Variants in TCEA1 observed in about 807,000 individuals in gnomAD.
TCEA1 encodes transcription elongation factor A1, also known as transcription elongation factor A protein 1.
A neutral mutation model predicts 43.8 loss-of-function variants in TCEA1; 21 were observed. That is an observed-to-expected ratio of 0.48 (90% CI 0.34 to 0.69). TCEA1 has a LOEUF of 0.69. TCEA1 is among the 30% of genes least tolerant of loss of function. The pLI is 0.01. For synonymous variants in TCEA1, 104 were observed against 117.5 expected (o/e 0.88, Z 0.75); for missense variants, 250 against 365.1 (o/e 0.68, Z 2.57).
intron 7 of TCEA1, among the ~76,000 whole-genome samples, chr8:53,981,906 C>T (rs1267172932): frequency 1.3e-5 from 2 of 151,092 alleles, no homozygotes; most frequent in Non-Finnish European, 1.5e-5. Context: ...GAACGCACCA[C>T]ACCATGCCCA....
chr8:54,011,917 T>C (rs1437646206), intron 1 of TCEA1, among the ~76,000 whole-genome samples: 1 of 152,206 alleles, frequency 6.6e-6, no homozygotes, highest in East Asian at 1.9e-4. Context: ...GACACGTTAT[T>C]ATAAGTAATG....
At chr8:54,015,004 T>C (rs1804777130) in intron 1 of TCEA1, among the ~76,000 whole-genome samples, 1 of 152,112 alleles carries the variant, frequency 6.6e-6, no homozygotes, top group African/African-American at 2.4e-5. Context: ...TACAAAAATA[T>C]ACAAATAATT....
intron 1 of TCEA1, among the ~76,000 whole-genome samples, chr8:54,019,267 T>A (rs1804943516): frequency 6.6e-6 from 1 of 152,190 alleles, no homozygotes; most frequent in South Asian, 2.1e-4. Flanking sequence ...CAACTATTAC[T>A]CTTCAAAGTT....
At chr8:53,991,938 T>G (rs893615935) in intron 4 of TCEA1, among the ~76,000 whole-genome samples, 4 of 152,020 alleles carry the variant, frequency 2.6e-5, no homozygotes, top group Non-Finnish European at 4.4e-5. Context: ...ACATTAACAT[T>G]AACATGAAGA....
rs1345667700 is a variant in TCEA1 at position 53,967,936 on chromosome 8, T to C, written c.*168A>G. On this transcript the variant is annotated 3_prime_UTR_variant, in exon 10 of 10. Coordinates refer to ENST00000521604, the MANE Select transcript of TCEA1 (RefSeq NM_006756.4). ...TTATTATATGGTCTCCCTACTGATC[T>C]GAAACTACAGAAGGCATTTAAGGAA... 2.0e-5 allele frequency: 10 copies of C among 500,728 alleles called. No homozygotes were observed. Among genetic ancestry groups the C allele is most frequent in the Non-Finnish European group, 3.3e-5 (9 of 272,116 alleles). The allele number at this position is 500,728 out of a possible 1,614,324, so 31.0% of individuals were successfully genotyped here.
chr8:54,011,621 GA>G (rs1320564738), intron 1 of TCEA1, among the ~76,000 whole-genome samples: 1 of 152,110 alleles, frequency 6.6e-6, no homozygotes, highest in African/African-American at 2.4e-5. Context: ...ACAAATCAAT[GA>G]AATACACGCT....
intron 1 of TCEA1, among the ~76,000 whole-genome samples, chr8:54,015,838 T>C (rs1013599676): frequency 6.6e-6 from 1 of 152,176 alleles, no homozygotes; most frequent in African/African-American, 2.4e-5. Flanking sequence ...AGCCAGACCC[T>C]GACTCTTTTC....
At chr8:53,995,814 T>C (rs1443363675) in intron 3 of TCEA1, among the ~76,000 whole-genome samples, 3 of 152,234 alleles carry the variant, frequency 2.0e-5, no homozygotes, top group Admixed American at 6.5e-5. Context: ...GATAAGAGAA[T>C]GGTTGAAATC....
In TCEA1 at chr8:53,989,257, A is replaced by G. The variant is rs542213939; in HGVS notation, c.321-998T>C. Among the ~76,000 whole-genome samples the G allele has an allele frequency of 1.5e-4, 23 of 152,288 alleles. No individual in the cohort carries two copies. The East Asian group carries it at 4.4e-3, about 29-fold the overall frequency. On this transcript the variant is annotated intron_variant, in intron 4 of 9. Transcript: ENST00000521604. The stretch of plus-strand genomic sequence containing the variant: ...ATTTTCCAGTCAACCTAATCCTTTC[A>G]ATTGCTTCTGAGTAGCTTCTTACGT...
chr8:53,998,522 A>G (rs1266333126), intron 3 of TCEA1, among the ~76,000 whole-genome samples: 1 of 152,206 alleles, frequency 6.6e-6, no homozygotes, highest in Admixed American at 6.5e-5. Flanking sequence ...ACACACACAC[A>G]TAAAATTTTA....
rs1443783150 is a variant in TCEA1, at chr8:53,970,386, C to T, written c.897+6G>A. 1.3e-6 allele frequency: 2 copies of T among 1,588,118 alleles called. No individual in the cohort carries two copies. The highest frequency in any genetic ancestry group is 1.7e-6 in the Non-Finnish European group (2 of 1,157,856). On this transcript the variant is annotated splice_donor_region_variant and intron_variant, in intron 9 of 9. Transcript: ENST00000521604. Reference sequence around the variant, plus strand: ...GTATATAATATGAATCCAAGAGAGTCCATACCTTCCATCGATTTCCACATT... The same window carrying T: ...GTATATAATATGAATCCAAGAGAGTTCATACCTTCCATCGATTTCCACATT...
intron 2 of TCEA1, among the ~76,000 whole-genome samples, chr8:54,001,279 T>C (rs1216916381): frequency 1.3e-5 from 2 of 152,164 alleles, no homozygotes; most frequent in African/African-American, 4.8e-5. Context: ...GAATTCTTAG[T>C]GGTGAAAAAA....
intron 4 of TCEA1, among the ~76,000 whole-genome samples, chr8:53,992,050 G>A (rs966312522): frequency 6.6e-6 from 1 of 152,082 alleles, no homozygotes; most frequent in African/African-American, 2.4e-5. Context: ...AGTGGCTTAC[G>A]CCTATAATCC....
At position 53,972,894 on chromosome 8, in the gene TCEA1, G is replaced by A. The variant is rs1243393210; in HGVS notation, c.826-2431C>T. On this transcript the variant is annotated intron_variant, in intron 8 of 9. Transcript: ENST00000521604. ...ACCAGATGATACTACTTTTGATGATGAGCCGAAGGACGTAGCCTCAGAGGT... is the reference window on the plus strand; with the variant it reads ...ACCAGATGATACTACTTTTGATGATAAGCCGAAGGACGTAGCCTCAGAGGT... The A allele has an allele frequency of 1.6e-4, 113 of 689,072 alleles. 1 individual carries two copies. The highest frequency in any genetic ancestry group is 1.5e-3 in the South Asian group (110 of 72,364). 42.7% of individuals were successfully genotyped at this position (689,072 alleles called of 1,614,324 possible).
chr8:53,978,031 T>C (rs1803385680), intron 8 of TCEA1, among the ~76,000 whole-genome samples: 1 of 152,320 alleles, frequency 6.6e-6, no homozygotes, highest in South Asian at 2.1e-4. Flanking sequence ...AATTTTGACA[T>C]AGCTTTCATA....
chr8:54,020,874 G>A (rs1804999602), intron 1 of TCEA1, among the ~76,000 whole-genome samples: 1 of 152,130 alleles, frequency 6.6e-6, no homozygotes, highest in Non-Finnish European at 1.5e-5. Flanking sequence ...AACAAATTTA[G>A]GTGAGGACAA....
chr8:53,994,156 G>A (rs1008210032), intron 3 of TCEA1, among the ~76,000 whole-genome samples: 1 of 152,116 alleles, frequency 6.6e-6, no homozygotes, highest in Non-Finnish European at 1.5e-5. Flanking sequence ...ACCAGCCTGG[G>A]CAACATGACA....
At chr8:53,983,411 T>C (rs911380965) in intron 7 of TCEA1, among the ~76,000 whole-genome samples, 1 of 152,246 alleles carries the variant, frequency 6.6e-6, no homozygotes, top group African/African-American at 2.4e-5. Flanking sequence ...GTAGATACAA[T>C]ATAGCTAATA....
intron 2 of TCEA1, among the ~76,000 whole-genome samples, chr8:54,009,581 C>A (rs1332727629): frequency 6.6e-6 from 1 of 152,056 alleles, no homozygotes; most frequent in Non-Finnish European, 1.5e-5. Context: ...AGACAAATAC[C>A]ACGTTCTCAC....
Sources: allele counts gnomAD v4.1 joint callset (sites outside exome capture counted in the v4.1 genomes callset), GRCh38; gene constraint gnomAD v4.1.1; transcripts MANE v1.5; gene names NCBI Gene and HGNC (gene_info 2026-07-23, HGNC 2026-07-21).